Variants in RPRD2 observed in about 807,000 individuals in gnomAD.
RPRD2 encodes the protein regulation of nuclear pre-mRNA domain-containing protein 2.
A neutral mutation model predicts 104.4 loss-of-function variants in RPRD2; 12 were observed. That is an observed-to-expected ratio of 0.11 (90% CI 0.07 to 0.19). RPRD2 has a LOEUF of 0.19. RPRD2 is among the 10% of genes least tolerant of loss of function. RPRD2 has a pLI of 1.00. For synonymous variants in RPRD2, 714 were observed against 684.9 expected, an observed-to-expected ratio of 1.04 and a Z score of -0.66; for missense variants, 1,543 against 1,790.1, an observed-to-expected ratio of 0.86 and a Z score of 2.49.
At chr1:150,399,065 C>T (rs1662767497) in intron 1 of RPRD2, among the ~76,000 whole-genome samples, 1 of 151,990 alleles carries the variant, frequency 6.6e-6, no homozygotes, top group Admixed American at 6.6e-5. Context: ...TGCAGTGGTG[C>T]CATATAGCTC....
intron 1 of RPRD2, among the ~76,000 whole-genome samples, chr1:150,368,459 A>ATTT (rs34949625): frequency 4.8e-5 from 5 of 103,692 alleles, no homozygotes; most frequent in African/African-American, 1.9e-4. Context: ...AGCCCAGCTA[A>ATTT]TTTTTTTTTT....
chr1:150,458,398 G>A (rs1287983273), intron 8 of RPRD2, among the ~76,000 whole-genome samples: 4 of 151,464 alleles, frequency 2.6e-5, no homozygotes, highest in Non-Finnish European at 5.9e-5. Context: ...AGGTTGCAGT[G>A]AGCCAAGACC....
chr1:150,466,615 ATTAT>A (rs1560227018), intron 10 of RPRD2, among the ~76,000 whole-genome samples: 3 of 150,508 alleles, frequency 2.0e-5, no homozygotes, highest in African/African-American at 7.3e-5. Flanking sequence ...TAGAGGCTTC[ATTAT>A]TTATTATTTT....
At chr1:150,417,908 T>C (rs1353609771) in intron 2 of RPRD2, among the ~76,000 whole-genome samples, 183 bp downstream of exon 2, 8 of 145,750 alleles carry the variant, frequency 5.5e-5, no homozygotes, top group Non-Finnish European at 9.1e-5. Flanking sequence ...TTTCTTTTCT[T>C]TTTCTCTCTC....
intron 1 of RPRD2, among the ~76,000 whole-genome samples, chr1:150,384,267 G>A (rs1009029867): frequency 8.6e-5 from 13 of 151,878 alleles, no homozygotes; most frequent in African/African-American, 3.1e-4. Flanking sequence ...ATTTATATTT[G>A]TATACAGTAA....
At chr1:150,398,690 C>T (rs984174134) in intron 1 of RPRD2, among the ~76,000 whole-genome samples, 28 of 151,814 alleles carry the variant, frequency 1.8e-4, no homozygotes, top group Non-Finnish European at 2.4e-4. Flanking sequence ...ATTACAGGTG[C>T]GCACCACCAT....
intron 7 of RPRD2, among the ~76,000 whole-genome samples, chr1:150,450,327 C>A (rs1667067223): frequency 1.3e-5 from 2 of 151,936 alleles, no homozygotes. Context: ...ATTTATTTAG[C>A]CGGGTGCGGT....
At chr1:150,455,232 G>T (rs1236293756) in intron 7 of RPRD2, among the ~76,000 whole-genome samples, 1 of 152,108 alleles carries the variant, frequency 6.6e-6, no homozygotes, top group East Asian at 1.9e-4. Context: ...GGCCGGGCGC[G>T]ATGGCTTACG....
At position 150,473,129 on chromosome 1, in the gene RPRD2, G is replaced by A; in HGVS notation, c.4181G>A (p.Ser1394Asn). The stretch of plus-strand genomic sequence containing the variant: ...GGAGGTGGGGGAGGCAGCAACAGCA[G>A]CAGTGGCCCCCCCTTGGGTCCCTCA... ...GGGGGGGSNSSSGPPLGPSHR... is the reference protein window; with the variant it reads ...GGGGGGGSNSNSGPPLGPSHR... Residue 1394 changes from serine (S) to asparagine (N), a missense_variant, in exon 11 of 11, where the codon AGC becomes AAC. Ser to Asn is a conservative substitution (Grantham distance 46). This residue lies in a region of RPRD2 where 880 missense variants were observed against 885.6 expected (regional missense o/e 0.99). Transcript: ENST00000369068. 1.2e-6 allele frequency: 2 copies of A among 1,613,978 alleles called. No individual in the cohort carries two copies. Among genetic ancestry groups the A allele is most frequent in the Non-Finnish European group, 1.7e-6 (2 of 1,179,882 alleles).
In RPRD2 at chr1:150,387,311, G is replaced by C. The variant is rs587739833; in HGVS notation, c.205+22392G>C. Among the ~76,000 whole-genome samples the C allele has an allele frequency of 9.9e-5, 15 of 152,212 alleles. No homozygotes were observed. The South Asian group carries it at 3.1e-3, about 32-fold the overall frequency. On this transcript the variant is annotated intron_variant, in intron 1 of 10. Coordinates refer to ENST00000369068, the MANE Select transcript of RPRD2 (RefSeq NM_015203.5). ...CAGTGTGTTAAGTGAGAAGAGAATA[G>C]GGCCAATGAAAGAACCTTGGGAGCA...
At chr1:150,431,473 A>AGTTTTTTTTTTGTTTGTTTG (rs1337827257) in intron 2 of RPRD2, among the ~76,000 whole-genome samples, 61 of 78,850 alleles carry the variant, frequency 7.7e-4, no homozygotes, top group Middle Eastern at 8.2e-3. Context: ...AAAAGGAAGG[A>AGTTTTTTTTTTGTTTGTTTG]TTTTTTTTTT....
intron 1 of RPRD2, among the ~76,000 whole-genome samples, chr1:150,392,189 A>G (rs1220822021): frequency 1.3e-5 from 2 of 151,972 alleles, no homozygotes; most frequent in African/African-American, 4.8e-5. Context: ...CCATCTCAAA[A>G]AAAAAAAGAA....
chr1:150,471,463 T>G lies in RPRD2; in HGVS notation c.2515T>G (p.Ser839Ala). The change falls in exon 11 of 11, where the codon TCA becomes GCA. Residue 839 changes from serine to alanine, a missense_variant. This residue lies in a region of RPRD2 where 880 missense variants were observed against 885.6 expected (regional missense o/e 0.99). Coordinates refer to ENST00000369068, the MANE Select transcript of RPRD2 (RefSeq NM_015203.5). This position sits in a 1 kb window ranked among gnomAD's most constrained non-coding sequence, Gnocchi z 5.3. The part of the protein sequence containing the change: ...EDEDYRDFEY[S>A]GPPPSAMMNL... ...TGAGGATTACCGAGATTTTGAGTATTCAGGGCCTCCACCCTCTGCCATGAT... is the reference window on the plus strand; with the variant it reads ...TGAGGATTACCGAGATTTTGAGTATGCAGGGCCTCCACCCTCTGCCATGAT... 1.9e-6 allele frequency: 3 copies of G among 1,613,898 alleles called. No individual in the cohort carries two copies. Among genetic ancestry groups the G allele is most frequent in the African/African-American group, 1.3e-5 (1 of 75,014 alleles).
chr1:150,452,379 A>C (rs1251325461), intron 7 of RPRD2, among the ~76,000 whole-genome samples: 2 of 152,044 alleles, frequency 1.3e-5, no homozygotes, highest in African/African-American at 2.4e-5. Flanking sequence ...AGAGACAATA[A>C]ATTTCTGTTG....
intron 2 of RPRD2, 30 bp downstream of exon 2, chr1:150,417,755 C>G (rs1333397442): frequency 3.3e-6 from 5 of 1,513,708 alleles, no homozygotes; most frequent in East Asian, 4.7e-5. Flanking sequence ...TCTATGGGAT[C>G]TAAACTTAGA....
chr1:150,435,214 C>G, intron 2 of RPRD2, among the ~76,000 whole-genome samples: 1 of 152,192 alleles, frequency 6.6e-6, no homozygotes, highest in East Asian at 1.9e-4. Flanking sequence ...TCTGATTGCA[C>G]TAACCCACCA....
At chr1:150,384,637 A>ATT (rs1553881478) in intron 1 of RPRD2, among the ~76,000 whole-genome samples, 1 of 97,288 alleles carries the variant, frequency 1.0e-5, no homozygotes, top group African/African-American at 4.1e-5. Context: ...CGCCTGGCTA[A>ATT]TTTGTGTGTG....
chr1:150,382,399 T>A (rs1186495378), intron 1 of RPRD2, among the ~76,000 whole-genome samples: 2 of 152,228 alleles, frequency 1.3e-5, no homozygotes, highest in Non-Finnish European at 2.9e-5. Flanking sequence ...TGTTTGTTTG[T>A]TTTGAGACAG....
At chr1:150,441,159 A>C in intron 3 of RPRD2, 136 bp downstream of exon 3, 3 of 512,580 alleles carry the variant, frequency 5.9e-6, no homozygotes, top group Non-Finnish European at 1.0e-5. Context: ...AAAGTTAAAT[A>C]TTTATGAAAA....
Sources: allele counts gnomAD v4.1 joint callset (sites outside exome capture counted in the v4.1 genomes callset), GRCh38; gene constraint gnomAD v4.1.1; regional missense constraint gnomAD v4.1.1; non-coding constraint Gnocchi (gnomAD v3.1); transcripts MANE v1.5; gene names NCBI Gene and HGNC (gene_info 2026-07-23, HGNC 2026-07-21).